CLCN5: variants seen among roughly 807,000 people sequenced by gnomAD.
The protein encoded by CLCN5 is H(+)/Cl(-) exchange transporter 5.
CLCN5 carries 17 observed loss-of-function variants against 54.0 expected under a neutral mutation model. That is an observed-to-expected ratio of 0.31 (90% CI 0.22 to 0.47). The LOEUF is 0.47. CLCN5 is among the 20% of genes least tolerant of loss of function. The pLI is 1.00. For missense variants in CLCN5, 448 were observed against 646.7 expected, an observed-to-expected ratio of 0.69 and a Z score of 3.33; for synonymous variants, 222 against 233.0, an observed-to-expected ratio of 0.95 and a Z score of 0.43.
chrX:49,929,873 G>A (rs1417329346), intron 3 of CLCN5, among the ~76,000 whole-genome samples: 1 of 107,121 alleles, frequency 9.3e-6, no homozygotes, highest in Non-Finnish European at 1.9e-5. Flanking sequence ...ATATTTGTGT[G>A]CATAATATCA....
intron 3 of CLCN5, among the ~76,000 whole-genome samples, chrX:49,946,687 A>G (rs1448420616): frequency 2.7e-5 from 3 of 111,080 alleles, no homozygotes; most frequent in Non-Finnish European, 3.8e-5. Flanking sequence ...TGTCCCACTC[A>G]TACTCAGGGA....
Position 50,092,904 on chromosome X carries a change from T to G in CLCN5, c.*685T>G, listed in dbSNP as rs1299489950. Reference sequence around the variant, plus strand: ...TATAGCTTGCTTGTTGCTGGTACTCTTTTGAAGTGCACAAAGATAAGTTAT... The same window carrying G: ...TATAGCTTGCTTGTTGCTGGTACTCGTTTGAAGTGCACAAAGATAAGTTAT... On this transcript the variant is annotated 3_prime_UTR_variant, in exon 15 of 15. Transcript: ENST00000376091. 8.9e-6 allele frequency: 1 copy of G among 112,849 alleles called. No individual in the cohort carries two copies. Among genetic ancestry groups the G allele is most frequent in the Non-Finnish European group, 1.9e-5 (1 of 53,413 alleles). The allele number at this position is 112,849 out of a possible 1,213,427, so 9.3% of individuals were successfully genotyped here. A position where few individuals can be genotyped will look rare whatever the true frequency, so the allele number is the denominator to read the frequency against.
chrX:49,948,608 A>G (rs1557172568), intron 3 of CLCN5, among the ~76,000 whole-genome samples: 1 of 112,082 alleles, frequency 8.9e-6, no homozygotes, highest in Non-Finnish European at 1.9e-5. Context: ...GCTTATATGC[A>G]TAGACCCAAG....
At chrX:50,007,397 TTCTC>T (rs781888075) in intron 3 of CLCN5, among the ~76,000 whole-genome samples, 2,581 of 64,237 alleles carry the variant, frequency 0.04, 30 homozygotes, top group Middle Eastern at 0.06. Context: ...CTCTCTCTCT[TTCTC>T]TCTCTCTCTC....
At chrX:49,964,743 A>AT (rs1177537210) in intron 3 of CLCN5, among the ~76,000 whole-genome samples, 41 of 110,525 alleles carry the variant, frequency 3.7e-4, no homozygotes, top group South Asian at 1.9e-3. Flanking sequence ...AATTCTATTT[A>AT]TTTTTTTTAT....
At chrX:49,934,454 A>G (rs1267260458) in intron 3 of CLCN5, among the ~76,000 whole-genome samples, 1 of 110,752 alleles carries the variant, frequency 9.0e-6, no homozygotes, top group Non-Finnish European at 1.9e-5. Flanking sequence ...TTTCCTTCCT[A>G]CCTTCTCTTA....
intron 3 of CLCN5, among the ~76,000 whole-genome samples, chrX:49,955,658 AC>A (rs1569537236): frequency 9.0e-6 from 1 of 111,480 alleles, no homozygotes; most frequent in Non-Finnish European, 1.9e-5. Flanking sequence ...AGACAGTTCA[AC>A]CTAGCAACTA....
chrX:50,016,223 G>T (rs1240970911), intron 3 of CLCN5, among the ~76,000 whole-genome samples: 2 of 111,590 alleles, frequency 1.8e-5, no homozygotes, highest in East Asian at 2.8e-4. Flanking sequence ...ACTGAAGTTT[G>T]AGAACCATTG....
At chrX:50,045,959 G>A (rs1473062140) in intron 4 of CLCN5, among the ~76,000 whole-genome samples, 2 of 112,323 alleles carry the variant, frequency 1.8e-5, no homozygotes, top group Non-Finnish European at 3.8e-5. Flanking sequence ...ACAATAGCAC[G>A]TACTAAAAAG....
chrX:49,963,412 A>G (rs1927701074), intron 3 of CLCN5, among the ~76,000 whole-genome samples: 1 of 111,569 alleles, frequency 9.0e-6, no homozygotes, highest in Admixed American at 9.5e-5. Context: ...AGCATGCTCT[A>G]TGCTGAAAAA....
rs373548566 is a variant in CLCN5, at chrX:50,038,375, T to C, written c.17-3941T>C. Reference sequence around the variant, plus strand: ...TAACAATGTAAAGACCTGGAAGATATCACTTTTATCAAGTGATCAAATAAG... The same window carrying C: ...TAACAATGTAAAGACCTGGAAGATACCACTTTTATCAAGTGATCAAATAAG... On this transcript the variant is annotated intron_variant, in intron 3 of 14. Transcript: ENST00000376091. Among the ~76,000 whole-genome samples, 18 of 111,483 alleles carry C rather than the reference T, an allele frequency of 1.6e-4. No homozygotes were observed. The East Asian group carries it at 2.5e-3, about 16-fold the overall frequency.
intron 5 of CLCN5, 93 bp from the exon 6 acceptor site, chrX:50,072,396 C>T: frequency 3.1e-6 from 2 of 640,529 alleles, no homozygotes; most frequent in Non-Finnish European, 5.3e-6. Flanking sequence ...CTCTATTCTC[C>T]AGTGATTTGT....
Position 50,094,284 on chromosome X carries a change from G to A in CLCN5, c.*2065G>A, listed in dbSNP as rs1280815291. 1.8e-5 allele frequency: 2 copies of A among 111,647 alleles called. No individual in the cohort carries two copies. The highest frequency in any genetic ancestry group is 3.8e-5 in the Non-Finnish European group (2 of 53,129). 9.2% of individuals were successfully genotyped at this position (111,647 alleles called of 1,213,427 possible). On this transcript the variant is annotated 3_prime_UTR_variant, in exon 15 of 15. Coordinates refer to ENST00000376091, the MANE Select transcript of CLCN5 (RefSeq NM_001127898.4). ...TCTTTCTGGGGTATGTTGTATCATA[G>A]TAATGGCTCAGTAACCACATATTTT...
intron 11 of CLCN5, among the ~76,000 whole-genome samples, chrX:50,087,785 T>G (rs1436302175): frequency 8.9e-6 from 1 of 111,975 alleles, no homozygotes; most frequent in Non-Finnish European, 1.9e-5. Context: ...CCTGCATTCT[T>G]TCACTTAAAG....
At chrX:50,058,167 A>G (rs782715913) in intron 4 of CLCN5, among the ~76,000 whole-genome samples, 42 of 111,835 alleles carry the variant, frequency 3.8e-4, no homozygotes, top group Non-Finnish European at 6.8e-4. Flanking sequence ...GTCCTGTGAT[A>G]TATACCAATA....
At chrX:50,070,093 A>G (rs1557191366) in intron 5 of CLCN5, 63 bp downstream of exon 5, 6 of 1,031,947 alleles carry the variant, frequency 5.8e-6, no homozygotes, top group East Asian at 3.1e-5. Context: ...TTGAAGATAC[A>G]TATTCTTTCT....
chrX:50,088,966 G>C, intron 12 of CLCN5, 82 bp downstream of exon 12: 1 of 954,530 alleles, frequency 1.0e-6, no homozygotes, highest in Non-Finnish European at 1.5e-6. Flanking sequence ...TTGACTGTAG[G>C]AGAATTTAAA....
chrX:49,999,395 G>A (rs959823017), intron 3 of CLCN5, among the ~76,000 whole-genome samples: 2 of 108,843 alleles, frequency 1.8e-5, no homozygotes, highest in Non-Finnish European at 3.8e-5. Flanking sequence ...TGCATTATTG[G>A]AGAGTGGACT....
chrX:49,992,208 C>A (rs782014782), intron 3 of CLCN5, among the ~76,000 whole-genome samples: 2 of 84,219 alleles, frequency 2.4e-5, no homozygotes, highest in African/African-American at 8.5e-5. Context: ...CTCTTTTTTT[C>A]TTTTTTTTTT....
Sources: gnomAD v4.1 joint callset for allele counts (sites outside exome capture counted in the v4.1 genomes callset) on GRCh38, gnomAD v4.1.1 for gene constraint, MANE v1.5 for transcripts, NCBI Gene and HGNC (gene_info 2026-07-23, HGNC 2026-07-21) for gene names.